Variants in UEVLD observed in about 807,000 individuals in gnomAD.
UEVLD encodes UEV and lactate/malate dehyrogenase domains, also known as ubiquitin-conjugating enzyme E2 variant 3.
In UEVLD, 47 loss-of-function variants were observed where a neutral mutation model predicts 58.6. That is an observed-to-expected ratio of 0.80 (90% CI 0.63 to 1.02). UEVLD has a LOEUF of 1.02. Ranked by LOEUF, UEVLD falls within the 50% of genes least tolerant of loss-of-function variation. The pLI is 0.00. For missense variants in UEVLD, 510 were observed against 550.6 expected (o/e 0.93, Z 0.74); for synonymous variants, 197 against 195.3 (o/e 1.01, Z -0.07).
At chr11:18,538,522 A>C (rs1850911528) in intron 9 of UEVLD, among the ~76,000 whole-genome samples, 1 of 151,530 alleles carries the variant, frequency 6.6e-6, no homozygotes, top group South Asian at 2.1e-4. Context: ...CATGTTGGGC[A>C]GGCTGGTCTC....
intron 10 of UEVLD, among the ~76,000 whole-genome samples, chr11:18,534,787 T>C (rs1486975407): frequency 6.6e-6 from 1 of 152,220 alleles, no homozygotes; most frequent in Non-Finnish European, 1.5e-5. Flanking sequence ...TTGGAGAAAC[T>C]GTAAACAGGC....
At chr11:18,578,901 TC>T in intron 1 of UEVLD, 93 bp from the exon 2 acceptor site, 1 of 816,916 alleles carries the variant, frequency 1.2e-6, no homozygotes, top group Non-Finnish European at 1.9e-6. Flanking sequence ...GGAGTCTCAC[TC>T]TGTTGCCCAG....
chr11:18,580,518 C>T (rs1853183930), intron 1 of UEVLD, among the ~76,000 whole-genome samples: 1 of 151,624 alleles, frequency 6.6e-6, no homozygotes, highest in Non-Finnish European at 1.5e-5. Flanking sequence ...ATGAAATATT[C>T]AACCACAAAA....
rs529542743 is a variant in UEVLD, at chr11:18,567,151, G to A, written c.358-669C>T. ...AGAAAAAGACATTCTCCTTTTAACC[G>A]TTATCAAATCAGAAAATTAACACTA... is the stretch of plus-strand genomic sequence containing the variant. On this transcript the variant is annotated intron_variant, in intron 4 of 11. Transcript: ENST00000396197. 7.2e-5 allele frequency among the ~76,000 whole-genome samples: 11 copies of A among 152,168 alleles called. 1 individual carries two copies. The highest frequency in any genetic ancestry group is 3.4e-3 in the Middle Eastern group (1 of 294).
intron 3 of UEVLD, among the ~76,000 whole-genome samples, chr11:18,572,019 G>A (rs573737370): frequency 1.8e-4 from 27 of 151,820 alleles, no homozygotes; most frequent in African/African-American, 3.6e-4. Flanking sequence ...GACAGATCAC[G>A]AGATCAGGAG....
intron 9 of UEVLD, among the ~76,000 whole-genome samples, chr11:18,541,306 T>C (rs1851042570): frequency 6.6e-6 from 1 of 152,240 alleles, no homozygotes; most frequent in Admixed American, 6.5e-5. Flanking sequence ...TGTGCAATCA[T>C]TCCATAATCA....
intron 11 of UEVLD, 80 bp downstream of exon 11, chr11:18,534,250 G>A: frequency 9.9e-6 from 11 of 1,114,152 alleles, no homozygotes; most frequent in Non-Finnish European, 1.3e-5. Flanking sequence ...TGGGGTTAGA[G>A]TATGAATAAT....
At chr11:18,541,989 C>T (rs527789087) in intron 9 of UEVLD, among the ~76,000 whole-genome samples, 8 of 152,220 alleles carry the variant, frequency 5.3e-5, no homozygotes, top group Non-Finnish European at 8.8e-5. Context: ...TCTCTAATAA[C>T]GTGGCTATCT....
Position 18,544,605 on chromosome 11 carries a change from T to C in UEVLD, c.1060+18A>G, listed in dbSNP as rs911262133. The C allele has an allele frequency of 1.6e-5, 26 of 1,579,204 alleles. No individual in the cohort carries two copies. Among genetic ancestry groups the C allele is most frequent in the Non-Finnish European group, 2.1e-5 (25 of 1,167,924 alleles). ...CAGGCATGAGCCACCACACCCAGCC[T>C]AAAAACGTACTTCTTACCTTTGTCT... is the stretch of plus-strand genomic sequence containing the variant. On this transcript the variant is annotated intron_variant, in intron 9 of 11. Coordinates refer to ENST00000396197, the MANE Select transcript of UEVLD (RefSeq NM_001040697.4).
At chr11:18,576,466 C>A (rs1364750760) in intron 2 of UEVLD, among the ~76,000 whole-genome samples, 7 of 151,958 alleles carry the variant, frequency 4.6e-5, no homozygotes, top group Non-Finnish European at 7.4e-5. Flanking sequence ...GCAGAGGTTG[C>A]AGTGAGCCAA....
At chr11:18,546,216 A>G (rs1453283298) in intron 8 of UEVLD, among the ~76,000 whole-genome samples, 1 of 152,244 alleles carries the variant, frequency 6.6e-6, no homozygotes, top group African/African-American at 2.4e-5. Flanking sequence ...GCATGCTAAC[A>G]TTTTTGATAC....
intron 6 of UEVLD, among the ~76,000 whole-genome samples, chr11:18,559,673 A>C (rs1161183087): frequency 1.3e-5 from 2 of 152,194 alleles, no homozygotes; most frequent in Non-Finnish European, 2.9e-5. Flanking sequence ...AAATAATGCC[A>C]GCTTTTTCTT....
At chr11:18,536,774 C>A in intron 9 of UEVLD, 1 of 266,900 alleles carries the variant, frequency 3.7e-6, no homozygotes, top group Non-Finnish European at 7.2e-6. Flanking sequence ...AACCTATAAG[C>A]ACTTGACATT....
intron 7 of UEVLD, among the ~76,000 whole-genome samples, chr11:18,552,447 C>T (rs974045196): frequency 9.9e-5 from 15 of 151,832 alleles, no homozygotes; most frequent in Middle Eastern, 3.4e-3. Context: ...CTCAGGAGGC[C>T]GAGGCAGGAG....
chr11:18,549,946 C>T (rs1446792907), intron 7 of UEVLD, among the ~76,000 whole-genome samples: 2 of 151,976 alleles, frequency 1.3e-5, no homozygotes, highest in African/African-American at 4.8e-5. Flanking sequence ...GTCTGCCTCC[C>T]AAGTAGCTGG....
intron 9 of UEVLD, 93 bp from the exon 10 acceptor site, chr11:18,536,562 T>C: frequency 9.7e-7 from 1 of 1,033,862 alleles, no homozygotes; most frequent in Non-Finnish European, 1.5e-6. Flanking sequence ...GTACCTGTGC[T>C]AATATTTATA....
rs779131706 is a variant in UEVLD at position 18,547,093 on chromosome 11, TTAATCAAGTTCTAG to T, written c.716-57_716-44del. 7.6e-6 allele frequency: 12 copies of T among 1,572,912 alleles called. No individual in the cohort carries two copies. The East Asian group carries it at 2.7e-4, about 36-fold the overall frequency. On this transcript the variant is annotated intron_variant, in intron 7 of 11. Coordinates refer to ENST00000396197, the MANE Select transcript of UEVLD (RefSeq NM_001040697.4). The stretch of plus-strand genomic sequence containing the variant: ...ACAGTCTGAGCTGAAGATACAGGCT[TTAATCAAGTTCTAG>T]TTCACGATTAAAAGGTTGTTCTTTT...
chr11:18,547,123 T>C, intron 7 of UEVLD, 73 bp from the exon 8 acceptor site: 2 of 1,487,176 alleles, frequency 1.3e-6, no homozygotes, highest in East Asian at 2.3e-5. Context: ...GATTAAAAGG[T>C]TGTTCTTTTC....
chr11:18,542,890 CTTT>C (rs890676886), intron 9 of UEVLD, among the ~76,000 whole-genome samples: 4 of 125,900 alleles, frequency 3.2e-5, no homozygotes, highest in African/African-American at 1.1e-4. Flanking sequence ...CTTTTCTTTT[CTTT>C]TTTTTTTTTT....
Sources: gnomAD v4.1 joint callset for allele counts (sites outside exome capture counted in the v4.1 genomes callset) on GRCh38, gnomAD v4.1.1 for gene constraint, MANE v1.5 for transcripts, NCBI Gene and HGNC (gene_info 2026-07-23, HGNC 2026-07-21) for gene names.